The following WT1 variants were observed in gnomAD, a reference collection of about 807,000 sequenced individuals.
The protein encoded by WT1 is Wilms tumor protein.
Under a neutral mutation model 60.8 loss-of-function variants are expected in WT1, and 8 were observed. The observed-to-expected ratio is 0.13, with a 90% CI of 0.08 to 0.24. The LOEUF (loss-of-function observed/expected upper bound fraction) is 0.24. Among genes scored for constraint, WT1 ranks in the 10% least tolerant of loss-of-function variants. WT1 has a pLI of 1.00. For synonymous variants in WT1, 312 were observed against 297.1 expected (o/e 1.05, Z -0.52); for missense variants, 568 against 711.8 (o/e 0.80, Z 2.30).
At chr11:32,428,164 TG>T in intron 2 of WT1, 106 bp from the exon 3 acceptor site, 3 of 1,110,034 alleles carry the variant, frequency 2.7e-6, no homozygotes, top group Admixed American at 2.5e-5. Flanking sequence ...CCTGGGGCAC[TG>T]GGGCCTGGAT....
chr11:32,409,071 G>A (rs1459184137), intron 5 of WT1, among the ~76,000 whole-genome samples: 1 of 152,092 alleles, frequency 6.6e-6, no homozygotes, highest in Admixed American at 6.6e-5. Context: ...ACTTTCATAT[G>A]CACTTATCAG....
chr11:32,391,614 G>A (rs1326961731), intron 9 of WT1, among the ~76,000 whole-genome samples: 1 of 152,168 alleles, frequency 6.6e-6, no homozygotes, highest in Non-Finnish European at 1.5e-5. Flanking sequence ...ATAAATATTT[G>A]GCTTGCTAGA....
intron 7 of WT1, among the ~76,000 whole-genome samples, chr11:32,395,494 CAG>C (rs1851939691): frequency 6.8e-6 from 1 of 146,152 alleles, no homozygotes; most frequent in African/African-American, 2.5e-5. Flanking sequence ...TTTTTTTTGG[CAG>C]AGTCTTGCTC....
intron 1 of WT1, chr11:32,430,777 T>A (rs1853278063): frequency 7.6e-7 from 1 of 1,316,314 alleles, no homozygotes; most frequent in Non-Finnish European, 9.7e-7. Flanking sequence ...TCAAACCCTC[T>A]CCTTCAGGTC....
chr11:32,416,378 C>A, intron 5 of WT1, 112 bp downstream of exon 5: 1 of 1,339,568 alleles, frequency 7.5e-7, no homozygotes, highest in Non-Finnish European at 1.1e-6. Context: ...TTCTTCCCAT[C>A]CACCAAATGC....
At chr11:32,429,474 C>A (rs988731617) in intron 1 of WT1, among the ~76,000 whole-genome samples, 7 of 140,148 alleles carry the variant, frequency 5.0e-5, no homozygotes, top group African/African-American at 1.1e-4. Context: ...CCCCCCCCCC[C>A]CAAAGTGAGA....
chr11:32,416,757 T>C (rs1319380876), intron 4 of WT1, among the ~76,000 whole-genome samples: 1 of 152,230 alleles, frequency 6.6e-6, no homozygotes, highest in Non-Finnish European at 1.5e-5. Context: ...GAATCAGATC[T>C]GGACTTGGCA....
chr11:32,398,127 C>A (rs993949510), intron 6 of WT1, among the ~76,000 whole-genome samples: 1 of 152,182 alleles, frequency 6.6e-6, no homozygotes, highest in Admixed American at 6.5e-5. Context: ...ATTTCTGTAA[C>A]CCTTGCCTTT....
chr11:32,420,757 T>C (rs1265472380), intron 3 of WT1, among the ~76,000 whole-genome samples: 1 of 152,220 alleles, frequency 6.6e-6, no homozygotes, highest in Non-Finnish European at 1.5e-5. Context: ...CATCATGACC[T>C]ACTCAGTCTC....
At chr11:32,391,766 T>C (rs1465311869) in intron 9 of WT1, among the ~76,000 whole-genome samples, 1 of 152,128 alleles carries the variant, frequency 6.6e-6, no homozygotes, top group Non-Finnish European at 1.5e-5. Flanking sequence ...TTCCCATCTT[T>C]CTCCTTCTCT....
At chr11:32,426,624 G>A (rs1245684515) in intron 3 of WT1, among the ~76,000 whole-genome samples, 4 of 151,926 alleles carry the variant, frequency 2.6e-5, no homozygotes, top group East Asian at 3.9e-4. Flanking sequence ...GCCTCCACCC[G>A]CCCAAAAAAA....
Position 32,435,516 on chromosome 11 carries a change from T to C in WT1, c.-156A>G. 8.4e-7 allele frequency: 1 copy of C among 1,188,072 alleles called. No individual in the cohort carries two copies. The highest frequency in any genetic ancestry group is 2.6e-5 in the East Asian group (1 of 38,654). 73.6% of individuals were successfully genotyped at this position (1,188,072 alleles called of 1,614,324 possible). On this transcript the variant is annotated 5_prime_UTR_variant, in exon 1 of 10. Coordinates refer to ENST00000452863, the MANE Select transcript of WT1 (RefSeq NM_024426.6). ...AGAGCCCCCGGGTGTGGGCGCTGCC[T>C]TGAACTCCTTACCCCAGCTGCCTGG...
intron 3 of WT1, among the ~76,000 whole-genome samples, chr11:32,418,094 G>A (rs1852735980): frequency 6.6e-6 from 1 of 151,840 alleles, no homozygotes; most frequent in Non-Finnish European, 1.5e-5. Context: ...AGTATCATGT[G>A]GATTATGAGG....
At chr11:32,399,833 G>T in intron 6 of WT1, 115 bp downstream of exon 6, 2 of 1,109,408 alleles carry the variant, frequency 1.8e-6, no homozygotes, top group Non-Finnish European at 2.7e-6. Context: ...AAAGGAGCCT[G>T]CAGTGAAGAA....
chr11:32,408,711 C>T (rs1852404194), intron 5 of WT1, among the ~76,000 whole-genome samples: 2 of 151,960 alleles, frequency 1.3e-5, no homozygotes, highest in South Asian at 4.2e-4. Context: ...GTGGGATATT[C>T]TACCAGAAAA....
At chr11:32,429,343 C>T (rs1447990253) in intron 1 of WT1, among the ~76,000 whole-genome samples, 5 of 152,158 alleles carry the variant, frequency 3.3e-5, no homozygotes, top group African/African-American at 1.2e-4. Context: ...CCAACTTCCT[C>T]ACTCCCCAGG....
In WT1 at chr11:32,430,491, A is replaced by AGAGAGAGAGAGAGAGG. The variant is rs757737927; in HGVS notation, c.662-1873_662-1872insCCTCTCTCTCTCTCTC. The AGAGAGAGAGAGAGAGG allele has an allele frequency of 5.3e-5, 82 of 1,561,500 alleles. No homozygotes were observed. The African/African-American group carries it at 1.1e-3, about 22-fold the overall frequency. On this transcript the variant is annotated intron_variant, in intron 1 of 9. Coordinates refer to ENST00000452863, the MANE Select transcript of WT1 (RefSeq NM_024426.6). ...GAGAGAGAGAGAGAGAGAGAGAGAG[A>AGAGAGAGAGAGAGAGG]CGAAATAGAAGCTACGAAGAAGTTT...
At chr11:32,420,647 G>A (rs192086439) in intron 3 of WT1, among the ~76,000 whole-genome samples, 1 of 152,094 alleles carries the variant, frequency 6.6e-6, no homozygotes, top group Non-Finnish European at 1.5e-5. Flanking sequence ...CCCTATGAAG[G>A]CATCCTGAGC....
Position 32,407,252 on chromosome 11 carries a change from CA to C in WT1, c.1017-7209del, listed in dbSNP as rs200824500. 2.8e-4 allele frequency among the ~76,000 whole-genome samples: 42 copies of C among 150,908 alleles called. 2 individuals carry two copies. The East Asian group carries it at 8.1e-3, about 29-fold the overall frequency. On this transcript the variant is annotated intron_variant, in intron 5 of 9. Coordinates refer to ENST00000452863, the MANE Select transcript of WT1 (RefSeq NM_024426.6). Reference sequence around the variant, plus strand: ...ATTTGGCTCAGGAAAAACAAAAAAACAAAAAAACAAAAAACAAAACACTTAA... The same window carrying C: ...ATTTGGCTCAGGAAAAACAAAAAAACAAAAAACAAAAAACAAAACACTTAA...
Sources: gnomAD v4.1 joint callset for allele counts (sites outside exome capture counted in the v4.1 genomes callset) on GRCh38, gnomAD v4.1.1 for gene constraint, MANE v1.5 for transcripts, NCBI Gene and HGNC (gene_info 2026-07-23, HGNC 2026-07-21) for gene names.